Variants in CENPP observed in about 807,000 individuals in gnomAD.
The protein encoded by CENPP is centromere protein P.
A neutral mutation model predicts 35.6 loss-of-function variants in CENPP; 24 were observed. That is an observed-to-expected ratio of 0.67 (90% CI 0.49 to 0.95). The LOEUF (loss-of-function observed/expected upper bound fraction) is 0.95, where lower values mean the gene tolerates loss of function less well. CENPP is among the 40% of genes least tolerant of loss of function. The pLI is 0.00. For synonymous variants in CENPP, 120 were observed against 125.5 expected (o/e 0.96, Z 0.29); for missense variants, 332 against 345.3 (o/e 0.96, Z 0.31).
chr9:92,460,880 T>G (rs1033524679), intron 5 of CENPP, among the ~76,000 whole-genome samples: 1 of 152,160 alleles, frequency 6.6e-6, no homozygotes, highest in African/African-American at 2.4e-5. Flanking sequence ...GGTTTCACCA[T>G]GTTGGCCAGG....
Position 92,620,020 on chromosome 9 carries a change from C to G in CENPP, c.*6871C>G, listed in dbSNP as rs12686781. The G allele has an allele frequency of 0.2, 35,558 of 176,620 alleles. 4,658 individuals carry two copies. Among genetic ancestry groups the G allele is most frequent in the East Asian group, 0.65 (4,666 of 7,166 alleles). 10.9% of individuals were successfully genotyped at this position (176,620 alleles called of 1,614,324 possible). ...GCTTAGAACGACATTCCCTCCGGAA[C>G]ATCATACAGCCACCAGAGACAACGG... On this transcript the variant is annotated 3_prime_UTR_variant, in exon 8 of 8. Transcript: ENST00000375587.
chr9:92,454,521 G>A (rs527847568), intron 5 of CENPP, among the ~76,000 whole-genome samples: 1 of 152,038 alleles, frequency 6.6e-6, no homozygotes, highest in South Asian at 2.1e-4. Flanking sequence ...ACAATTTTTT[G>A]TTACATTGTA....
At chr9:92,522,458 C>T (rs1456535914) in intron 5 of CENPP, 2 of 1,136,636 alleles carry the variant, frequency 1.8e-6, no homozygotes, top group East Asian at 2.7e-5. Flanking sequence ...CTGGATTTTT[C>T]TTTAGAAAAT....
At chr9:92,535,051 C>T (rs1196088729) in intron 5 of CENPP, among the ~76,000 whole-genome samples, 1 of 152,112 alleles carries the variant, frequency 6.6e-6, no homozygotes, top group East Asian at 1.9e-4. Flanking sequence ...TCTGAGCACA[C>T]CCCTCTCTCC....
chr9:92,460,549 A>G lies in CENPP; in HGVS notation c.564+80690A>G. On this transcript the variant is annotated intron_variant, in intron 5 of 7. Transcript: ENST00000375587. ...TTTATTATAATCTAAGTGAAGCTCCAATAAAGTTGGTGGTAAGCCTAATAA... is the reference window on the plus strand; with the variant it reads ...TTTATTATAATCTAAGTGAAGCTCCGATAAAGTTGGTGGTAAGCCTAATAA... The G allele has an allele frequency of 2.5e-6, 4 of 1,591,322 alleles. No homozygotes were observed. The Middle Eastern group carries it at 5.0e-4, about 198-fold the overall frequency.
chr9:92,339,458 G>C (rs1841037962), intron 3 of CENPP, among the ~76,000 whole-genome samples: 1 of 152,104 alleles, frequency 6.6e-6, no homozygotes, highest in South Asian at 2.1e-4. Context: ...GCTCTGGCAG[G>C]CTGAGGATGG....
intron 1 of CENPP, among the ~76,000 whole-genome samples, chr9:92,330,464 T>C (rs1456880458): frequency 1.3e-5 from 2 of 152,130 alleles, no homozygotes; most frequent in Non-Finnish European, 2.9e-5. Flanking sequence ...TCCTCTAATG[T>C]TGGAGACAAG....
At chr9:92,368,650 T>G (rs1021858995) in intron 4 of CENPP, among the ~76,000 whole-genome samples, 1 of 152,186 alleles carries the variant, frequency 6.6e-6, no homozygotes, top group Non-Finnish European at 1.5e-5. Flanking sequence ...TATTTATATA[T>G]TGTGGATAGT....
chr9:92,389,364 C>T (rs1842574175), intron 5 of CENPP, among the ~76,000 whole-genome samples: 1 of 152,172 alleles, frequency 6.6e-6, no homozygotes. Context: ...TTTTATATTA[C>T]ATGCTCTCAT....
chr9:92,592,945 T>C (rs1588302605), intron 5 of CENPP, among the ~76,000 whole-genome samples: 1 of 152,344 alleles, frequency 6.6e-6, no homozygotes, highest in East Asian at 1.9e-4. Flanking sequence ...TGAGAGAGGA[T>C]GGGACAGAAA....
chr9:92,594,432 A>G (rs984047575), intron 5 of CENPP, among the ~76,000 whole-genome samples: 2 of 152,148 alleles, frequency 1.3e-5, no homozygotes, highest in Non-Finnish European at 2.9e-5. Flanking sequence ...TTCTTATTTT[A>G]AAAGATGGGC....
At chr9:92,459,896 C>A in intron 5 of CENPP, 1 of 750,544 alleles carries the variant, frequency 1.3e-6, no homozygotes, top group Non-Finnish European at 2.0e-6. Flanking sequence ...AAAGATATTT[C>A]ATTACTTTAT....
Position 92,616,097 on chromosome 9 carries a change from C to A in CENPP, c.*2948C>A. 2 of 1,387,498 alleles carry A rather than the reference C, an allele frequency of 1.4e-6. No individual in the cohort carries two copies. Among genetic ancestry groups the A allele is most frequent in the South Asian group, 1.2e-5 (1 of 82,490 alleles). The allele number at this position is 1,387,498 out of a possible 1,614,324, so 85.9% of individuals were successfully genotyped here. ...TACCATTTCAGGATACACAAGCCCC[C>A]CATTCATTTCCCTCCCTCCCGTTCT... On this transcript the variant is annotated 3_prime_UTR_variant, in exon 8 of 8. Transcript: ENST00000375587.
intron 5 of CENPP, among the ~76,000 whole-genome samples, chr9:92,445,649 C>T (rs117019822): frequency 0.031 from 4,707 of 152,154 alleles, 113 homozygotes; most frequent in South Asian, 0.084. Flanking sequence ...TTTGGGAGGC[C>T]GAGGTGGGCC....
intron 5 of CENPP, among the ~76,000 whole-genome samples, chr9:92,468,191 A>T (rs1001866484): frequency 3.3e-5 from 5 of 152,194 alleles, no homozygotes; most frequent in African/African-American, 1.2e-4. Context: ...GTTTTTCCTA[A>T]TTAAAACATG....
At chr9:92,339,393 T>C (rs1588038932) in intron 3 of CENPP, among the ~76,000 whole-genome samples, 1 of 152,186 alleles carries the variant, frequency 6.6e-6, no homozygotes, top group Non-Finnish European at 1.5e-5. Flanking sequence ...TACAGTTACC[T>C]GGGTTTGGAA....
intron 5 of CENPP, chr9:92,511,975 A>G: frequency 6.7e-7 from 1 of 1,493,962 alleles, no homozygotes; most frequent in Non-Finnish European, 9.2e-7. Flanking sequence ...TAGTGAAGCC[A>G]TTCATCCAAA....
intron 5 of CENPP, among the ~76,000 whole-genome samples, chr9:92,423,827 C>T (rs1843886860): frequency 6.6e-6 from 1 of 152,122 alleles, no homozygotes; most frequent in East Asian, 1.9e-4. Context: ...TAGCATTGCT[C>T]AGCTGTATGC....
intron 5 of CENPP, among the ~76,000 whole-genome samples, chr9:92,422,022 T>C (rs961672724): frequency 2.6e-5 from 4 of 152,130 alleles, no homozygotes. Flanking sequence ...TTTATAATAT[T>C]TTATTGTACT....
Sources: gnomAD v4.1 joint callset for allele counts (sites outside exome capture counted in the v4.1 genomes callset) on GRCh38, gnomAD v4.1.1 for gene constraint, MANE v1.5 for transcripts, NCBI Gene and HGNC (gene_info 2026-07-23, HGNC 2026-07-21) for gene names.